ADGRL2: variants seen among roughly 807,000 people sequenced by gnomAD.
The protein encoded by ADGRL2 is adhesion G protein-coupled receptor L2.
ADGRL2 carries 44 observed loss-of-function variants against 157.4 expected under a neutral mutation model. The ratio of observed to expected loss-of-function variants is 0.28; its 90% CI spans 0.22 to 0.36. The LOEUF (loss-of-function observed/expected upper bound fraction) is 0.36, where lower values mean the gene tolerates loss of function less well. Among genes scored for constraint, ADGRL2 ranks in the 10% least tolerant of loss-of-function variants. ADGRL2 has a pLI of 1.00. For synonymous variants in ADGRL2, 585 were observed against 624.7 expected, an observed-to-expected ratio of 0.94 and a Z score of 0.95; for missense variants, 1,510 against 1,768.9, an observed-to-expected ratio of 0.85 and a Z score of 2.63.
chr1:81,384,341 A>T (rs2076397781), intron 1 of ADGRL2, among the ~76,000 whole-genome samples: 1 of 152,164 alleles, frequency 6.6e-6, no homozygotes, highest in African/African-American at 2.4e-5. Flanking sequence ...CATAGAAAAA[A>T]GGTGTGCATT....
chr1:81,525,027 G>A (rs2079419727), intron 2 of ADGRL2, among the ~76,000 whole-genome samples: 1 of 152,168 alleles, frequency 6.6e-6, no homozygotes, highest in Non-Finnish European at 1.5e-5. Flanking sequence ...GGGGACAGAG[G>A]TAAAAAGAGA....
chr1:81,983,909 C>T (rs1271436645), intron 19 of ADGRL2, among the ~76,000 whole-genome samples: 1 of 151,932 alleles, frequency 6.6e-6, no homozygotes, highest in Non-Finnish European at 1.5e-5. Flanking sequence ...ATGAAAATTG[C>T]ATAAATAGTT....
chr1:81,605,109 T>C (rs75851092), intron 3 of ADGRL2, among the ~76,000 whole-genome samples: 2,261 of 152,198 alleles, frequency 0.015, 73 homozygotes, highest in African/African-American at 0.05. Flanking sequence ...GGGTCACAGA[T>C]GAGGGCAGCA....
upstream of ADGRL2, among the ~76,000 whole-genome samples, chr1:81,798,086 C>A (rs1024548496): frequency 6.6e-6 from 1 of 152,102 alleles, no homozygotes; most frequent in Non-Finnish European, 1.5e-5. Context: ...GCAGGGAATG[C>A]GTAACATACT....
chr1:81,625,094 C>G (rs901611633), intron 3 of ADGRL2, among the ~76,000 whole-genome samples: 2 of 152,156 alleles, frequency 1.3e-5, no homozygotes, highest in South Asian at 4.1e-4. Flanking sequence ...ACAGAACAAG[C>G]ATTATCATCA....
chr1:81,318,518 A>G (rs908191321), intron 1 of ADGRL2, among the ~76,000 whole-genome samples: 1 of 152,190 alleles, frequency 6.6e-6, no homozygotes, highest in African/African-American at 2.4e-5. Context: ...TCATAGACAA[A>G]TGAAATGATA....
chr1:81,372,276 T>C (rs1008847621), intron 1 of ADGRL2, among the ~76,000 whole-genome samples: 4 of 152,126 alleles, frequency 2.6e-5, no homozygotes, highest in Non-Finnish European at 5.9e-5. Context: ...TGAACAAAAG[T>C]CTTCATAAAT....
intron 3 of ADGRL2, among the ~76,000 whole-genome samples, chr1:81,627,241 C>T (rs1386963023): frequency 6.6e-6 from 1 of 151,988 alleles, no homozygotes; most frequent in Non-Finnish European, 1.5e-5. Flanking sequence ...TGTATATATT[C>T]GATTTATCCA....
At chr1:81,879,976 A>C (rs974013484) in intron 2 of ADGRL2, among the ~76,000 whole-genome samples, 1 of 152,188 alleles carries the variant, frequency 6.6e-6, no homozygotes, top group South Asian at 2.1e-4. Context: ...GCAGTGAGCC[A>C]AGATCTTGTC....
intron 3 of ADGRL2, among the ~76,000 whole-genome samples, chr1:81,592,961 G>C (rs912050456): frequency 1.4e-4 from 21 of 152,038 alleles, no homozygotes; most frequent in African/African-American, 4.8e-4. Flanking sequence ...CCTTCTTTGG[G>C]ACAACCCATT....
rs376547822 is a variant in ADGRL2 at position 81,880,193 on chromosome 1, A to G, written c.74-26824A>G. On this transcript the variant is annotated intron_variant, in intron 2 of 23. Transcript: ENST00000686636. ...AAAGAGTGATCATTTGACTATTCCT[A>G]TAAGAGCCCTTATTGGAATGCTTTC... 3.3e-5 allele frequency among the ~76,000 whole-genome samples: 5 copies of G among 152,276 alleles called. No homozygotes were observed. In the South Asian group the frequency reaches 6.2e-4, roughly 19 times the overall value.
chr1:81,434,630 G>A (rs933450783), intron 1 of ADGRL2, among the ~76,000 whole-genome samples: 4 of 151,998 alleles, frequency 2.6e-5, no homozygotes, highest in African/African-American at 7.2e-5. Context: ...TGGGAGTGAG[G>A]GAGGATTACA....
At chr1:81,729,500 T>A (rs1042567390) in intron 1 of ADGRL2, among the ~76,000 whole-genome samples, 19 of 152,224 alleles carry the variant, frequency 1.2e-4, no homozygotes, top group African/African-American at 4.6e-4. Flanking sequence ...ATTTTTGAGA[T>A]AACCCAACTG....
At chr1:81,566,304 G>A (rs868243053) in intron 2 of ADGRL2, among the ~76,000 whole-genome samples, 10 of 152,172 alleles carry the variant, frequency 6.6e-5, no homozygotes, top group Non-Finnish European at 8.8e-5. Flanking sequence ...GATAATAATG[G>A]TATTACCCCT....
intron 3 of ADGRL2, among the ~76,000 whole-genome samples, chr1:81,680,442 C>T (rs1023597320): frequency 3.3e-5 from 5 of 152,128 alleles, no homozygotes; most frequent in South Asian, 4.1e-4. Flanking sequence ...GAAATGAAAC[C>T]GGAATGTCGG....
chr1:81,391,586 A>G (rs1427111881), intron 1 of ADGRL2, among the ~76,000 whole-genome samples: 1 of 150,736 alleles, frequency 6.6e-6, no homozygotes. Context: ...GTACCTCTCT[A>G]GCAAGTCCTC....
chr1:81,703,194 A>C (rs2083629160), intron 1 of ADGRL2, among the ~76,000 whole-genome samples: 1 of 152,228 alleles, frequency 6.6e-6, no homozygotes. Flanking sequence ...GAGAAGAATG[A>C]AGGGGAGAAT....
intron 2 of ADGRL2, among the ~76,000 whole-genome samples, chr1:81,503,646 C>A (rs986924730): frequency 4.6e-5 from 7 of 152,172 alleles, no homozygotes; most frequent in African/African-American, 1.2e-4. Context: ...ACTCCGGGGG[C>A]AGGGAGAGGC....
chr1:81,424,917 A>T (rs2077184457), intron 1 of ADGRL2, among the ~76,000 whole-genome samples: 1 of 152,210 alleles, frequency 6.6e-6, no homozygotes, highest in African/African-American at 2.4e-5. Flanking sequence ...AGTAGCTACT[A>T]TTATTTGAAG....
Sources: allele counts gnomAD v4.1 joint callset (sites outside exome capture counted in the v4.1 genomes callset), GRCh38; gene constraint gnomAD v4.1.1; transcripts MANE v1.5; gene names NCBI Gene and HGNC (gene_info 2026-07-23, HGNC 2026-07-21).